GPR139: variants seen among roughly 807,000 people sequenced by gnomAD.
GPR139 encodes the protein probable G protein-coupled receptor 139.
A neutral mutation model predicts 25.8 loss-of-function variants in GPR139; 12 were observed. That is an observed-to-expected ratio of 0.47 (90% CI 0.30 to 0.75). GPR139 has a LOEUF of 0.75. Ranked by LOEUF, GPR139 falls within the 30% of genes least tolerant of loss-of-function variation. The probability of loss-of-function intolerance (pLI) is 0.07; values close to 1 mark genes in which losing one functional copy is unlikely to be tolerated. For missense variants in GPR139, 380 were observed against 450.2 expected (o/e 0.84, Z 1.41); for synonymous variants, 184 against 179.9 (o/e 1.02, Z -0.18).
At chr16:20,054,250 G>A (rs749601321) in intron 1 of GPR139, among the ~76,000 whole-genome samples, 14 of 152,128 alleles carry the variant, frequency 9.2e-5, no homozygotes, top group Admixed American at 6.5e-4. Flanking sequence ...GAAAAACTCA[G>A]TATGTGTTCC....
intron 1 of GPR139, among the ~76,000 whole-genome samples, chr16:20,068,888 T>C (rs2057447713): frequency 6.6e-6 from 1 of 152,160 alleles, no homozygotes; most frequent in Non-Finnish European, 1.5e-5. Flanking sequence ...TTAAAATTTT[T>C]TTTTTTTTTA....
chr16:20,052,990 G>A (rs552221442), intron 1 of GPR139, among the ~76,000 whole-genome samples: 19 of 152,010 alleles, frequency 1.2e-4, no homozygotes, highest in African/African-American at 4.6e-4. Flanking sequence ...GTATGCATTA[G>A]CTATTTTTCC....
At position 20,041,243 on chromosome 16, in the gene GPR139, GAGGAGA is replaced by G. The variant is rs2057333436; in HGVS notation, c.128-8580_128-8575del. 3.2e-4 allele frequency among the ~76,000 whole-genome samples: 2 copies of G among 6,326 alleles called. 1 individual carries two copies. The highest frequency in any genetic ancestry group is 7.7e-4 in the Non-Finnish European group (2 of 2,596). 4.2% of individuals were successfully genotyped at this position (6,326 alleles called of 152,430 possible). A position where few individuals can be genotyped will look rare whatever the true frequency, so the allele number is the denominator to read the frequency against. On this transcript the variant is annotated intron_variant, in intron 1 of 1. Transcript: ENST00000570682. ...GAGGAGAGGAGAGGAGAGGAGAGGA[GAGGAGA>G]GGGAAGGAGAAAAGAAAAGCATCTC... is the stretch of plus-strand genomic sequence containing the variant.
At chr16:20,037,904 A>G (rs895627426) in intron 1 of GPR139, among the ~76,000 whole-genome samples, 2 of 152,088 alleles carry the variant, frequency 1.3e-5, no homozygotes, top group African/African-American at 4.8e-5. Flanking sequence ...CTTGTCGGCC[A>G]GGCTAGAGTG....
At chr16:20,048,240 T>G (rs886889114) in intron 1 of GPR139, among the ~76,000 whole-genome samples, 1 of 152,160 alleles carries the variant, frequency 6.6e-6, no homozygotes, top group Non-Finnish European at 1.5e-5. Context: ...GGAAATTAAT[T>G]TGGTGTTCAG....
chr16:20,058,995 G>C (rs1596470102), intron 1 of GPR139, among the ~76,000 whole-genome samples: 1 of 152,162 alleles, frequency 6.6e-6, no homozygotes, highest in Non-Finnish European at 1.5e-5. Context: ...TCTCTGGGCT[G>C]TCTATATTTT....
rs2057275974 is a variant in GPR139 at position 20,028,551 on chromosome 16, T to C, written c.*3184A>G. Among the ~76,000 whole-genome samples the C allele has an allele frequency of 6.6e-6, 1 of 152,196 alleles. No homozygotes were observed. The highest frequency in any genetic ancestry group is 2.1e-4 in the South Asian group (1 of 4,818). On this transcript the variant is annotated 3_prime_UTR_variant, in exon 2 of 2. Coordinates refer to ENST00000570682, the MANE Select transcript of GPR139 (RefSeq NM_001002911.4). Reference sequence around the variant, plus strand: ...TGGAATAGCCAACATTAGAGTCTTTTATTCACTTCGGGTAGGCTCCCCATG... The same window carrying C: ...TGGAATAGCCAACATTAGAGTCTTTCATTCACTTCGGGTAGGCTCCCCATG...
In GPR139 at chr16:20,030,472, T is replaced by A; in HGVS notation, c.*1263A>T. ...ACACATAAGTAGCAATTTCCAGGGA[T>A]GCCCCTATTCATTACATCCTAGAAA... On this transcript the variant is annotated 3_prime_UTR_variant, in exon 2 of 2. Coordinates refer to ENST00000570682, the MANE Select transcript of GPR139 (RefSeq NM_001002911.4). Among the ~76,000 whole-genome samples, 1 of 152,206 alleles carries A rather than the reference T, an allele frequency of 6.6e-6. No homozygotes were observed. The highest frequency in any genetic ancestry group is 1.9e-4 in the East Asian group (1 of 5,184).
intron 1 of GPR139, among the ~76,000 whole-genome samples, chr16:20,064,042 T>A (rs2057423119): frequency 2.6e-5 from 4 of 152,216 alleles, no homozygotes; most frequent in Admixed American, 2.6e-4. Context: ...AACTGCCTTA[T>A]AAAATCATTG....
In GPR139 at chr16:20,036,950, G is replaced by A. The variant is rs145775567; in HGVS notation, c.128-4281C>T. Among the ~76,000 whole-genome samples, 19 of 152,274 alleles carry A rather than the reference G, an allele frequency of 1.2e-4. No individual in the cohort carries two copies. The East Asian group carries it at 2.3e-3, about 19-fold the overall frequency. ...TATGCCAGGCATTGGATGAGGCTTT[G>A]GAGATACAGGTATTAACAAAGTGGA... On this transcript the variant is annotated intron_variant, in intron 1 of 1. Coordinates refer to ENST00000570682, the MANE Select transcript of GPR139 (RefSeq NM_001002911.4).
chr16:20,070,286 T>C (rs1244255483), intron 1 of GPR139, among the ~76,000 whole-genome samples: 2 of 152,176 alleles, frequency 1.3e-5, no homozygotes, highest in African/African-American at 4.8e-5. Flanking sequence ...AGAGATCCAG[T>C]GTGGAGAAGG....
chr16:20,057,031 G>A (rs2141211131), intron 1 of GPR139, among the ~76,000 whole-genome samples: 1 of 152,312 alleles, frequency 6.6e-6, no homozygotes, highest in Non-Finnish European at 1.5e-5. Context: ...CAGGAAGGAA[G>A]ACACAGTTCC....
At chr16:20,065,951 C>T (rs1304495902) in intron 1 of GPR139, among the ~76,000 whole-genome samples, 1 of 151,280 alleles carries the variant, frequency 6.6e-6, no homozygotes, top group Non-Finnish European at 1.5e-5. Context: ...ACATAGTAAG[C>T]ACTATAAGTG....
chr16:20,036,354 T>C (rs979102358), intron 1 of GPR139, among the ~76,000 whole-genome samples: 1 of 152,132 alleles, frequency 6.6e-6, no homozygotes, highest in Non-Finnish European at 1.5e-5. Context: ...TTCAGACAAG[T>C]TTATTCAGTA....
rs187540051 is a variant in GPR139 at position 20,059,140 on chromosome 16, G to A, written c.127+14350C>T. ...GCACCCTGGTGATGATCCTCTCTCT[G>A]CCCAGCACCCATTAGAACCTCCCTC... On this transcript the variant is annotated intron_variant, in intron 1 of 1. Coordinates refer to ENST00000570682, the MANE Select transcript of GPR139 (RefSeq NM_001002911.4). Among the ~76,000 whole-genome samples, 20 of 152,214 alleles carry A rather than the reference G, an allele frequency of 1.3e-4. No individual in the cohort carries two copies. The East Asian group carries it at 3.9e-3, about 29-fold the overall frequency.
intron 1 of GPR139, among the ~76,000 whole-genome samples, chr16:20,067,196 T>C (rs1328872041): frequency 1.3e-5 from 2 of 152,222 alleles, no homozygotes; most frequent in East Asian, 1.9e-4. Context: ...AAAAATGCTG[T>C]ACTGGATCCC....
At chr16:20,050,104 CAG>C (rs1157508660) in intron 1 of GPR139, among the ~76,000 whole-genome samples, 1 of 152,138 alleles carries the variant, frequency 6.6e-6, no homozygotes, top group Non-Finnish European at 1.5e-5. Flanking sequence ...GATAGATACT[CAG>C]AGAGAAGCTC....
chr16:20,057,152 A>G (rs1215911583), intron 1 of GPR139, among the ~76,000 whole-genome samples: 1 of 152,204 alleles, frequency 6.6e-6, no homozygotes, highest in East Asian at 1.9e-4. Flanking sequence ...AGTGGGCCCA[A>G]TGGCAAGCAC....
chr16:20,043,347 A>C (rs1453086492), intron 1 of GPR139, among the ~76,000 whole-genome samples: 1 of 152,228 alleles, frequency 6.6e-6, no homozygotes, highest in African/African-American at 2.4e-5. Context: ...TCCAAACTGT[A>C]TATCTCAGTA....
Sources: gnomAD v4.1 joint callset for allele counts (sites outside exome capture counted in the v4.1 genomes callset) on GRCh38, gnomAD v4.1.1 for gene constraint, MANE v1.5 for transcripts, NCBI Gene and HGNC (gene_info 2026-07-23, HGNC 2026-07-21) for gene names.